The following TMEM14C variants were observed in gnomAD, a reference collection of about 807,000 sequenced individuals.
TMEM14C encodes the protein chromosome 6 open reading frame 53.
A neutral mutation model predicts 14.8 loss-of-function variants in TMEM14C; 13 were observed. That is an observed-to-expected ratio of 0.88 (90% CI 0.57 to 1.40). The LOEUF (loss-of-function observed/expected upper bound fraction) is 1.40, where lower values mean the gene tolerates loss of function less well. Ranked by LOEUF, TMEM14C falls within the 40% of genes most tolerant of loss-of-function variation. TMEM14C has a pLI of 0.00. For synonymous variants in TMEM14C, 57 were observed against 51.3 expected, an observed-to-expected ratio of 1.11 and a Z score of -0.48; for missense variants, 142 against 138.8, an observed-to-expected ratio of 1.02 and a Z score of -0.12.
intron 1 of TMEM14C, among the ~76,000 whole-genome samples, chr6:10,723,476 T>C (rs1167689973): frequency 6.6e-6 from 1 of 152,156 alleles, no homozygotes; most frequent in African/African-American, 2.4e-5. Context: ...CCTCGTTTCT[T>C]GGTGATTTTC....
intron 4 of TMEM14C, among the ~76,000 whole-genome samples, chr6:10,727,686 T>G (rs1316284707): frequency 3.9e-5 from 6 of 151,952 alleles, no homozygotes; most frequent in African/African-American, 1.2e-4. Flanking sequence ...CCAGGCGTGG[T>G]GGCGGACGCC....
Position 10,726,008 on chromosome 6 carries a change from G to A in TMEM14C, c.199G>A (p.Ala67Thr). The A allele has an allele frequency of 6.2e-7, 1 of 1,614,000 alleles. No individual in the cohort carries two copies. Among genetic ancestry groups the A allele is most frequent in the Non-Finnish European group, 8.5e-7 (1 of 1,179,994 alleles). Residue 67 changes from alanine to threonine, a missense_variant and splice_region_variant, in exon 4 of 6, where the codon GCT (alanine) becomes ACT (threonine). Transcript: ENST00000229563. ...TCCAAGGAACGTTTGGGTTTTCCTA[G>A]GTATGTCTGCTTTGGCGTCTCCTTA... is the stretch of plus-strand genomic sequence containing the variant. ...QDPRNVWVFLATSGTLAGIMG... is the reference protein window; with the variant it reads ...QDPRNVWVFLTTSGTLAGIMG...
chr6:10,727,619 T>C (rs62397705), intron 4 of TMEM14C, among the ~76,000 whole-genome samples: 80,227 of 151,776 alleles, frequency 0.53, 22,323 homozygotes, highest in South Asian at 0.64. Context: ...CTCAGGAGTT[T>C]GAGACCACCG....
Position 10,730,987 on chromosome 6 carries a change from T to G in TMEM14C, c.*321T>G. On this transcript the variant is annotated 3_prime_UTR_variant, in exon 6 of 6. Transcript: ENST00000229563. ...CAGCTTTCAGGGCTCTGAAACCCCA[T>G]TCCCTGCTCTGAGGAACAGTGTGAA... 2 of 1,020,278 alleles carry G rather than the reference T, an allele frequency of 2.0e-6. No homozygotes were observed. The highest frequency in any genetic ancestry group is 1.2e-6 in the Non-Finnish European group (1 of 852,856). 63.2% of individuals were successfully genotyped at this position (1,020,278 alleles called of 1,614,324 possible).
In TMEM14C at chr6:10,731,020, C is replaced by A. The variant is rs1431504517; in HGVS notation, c.*354C>A. 3 of 997,906 alleles carry A rather than the reference C, an allele frequency of 3.0e-6. No individual in the cohort carries two copies. The highest frequency in any genetic ancestry group is 1.2e-4 in the Admixed American group (2 of 16,904). The allele number at this position is 997,906 out of a possible 1,614,324, so 61.8% of individuals were successfully genotyped here. A position where few individuals can be genotyped will look rare whatever the true frequency, so the allele number is the denominator to read the frequency against. On this transcript the variant is annotated 3_prime_UTR_variant, in exon 6 of 6. Coordinates refer to ENST00000229563, the MANE Select transcript of TMEM14C (RefSeq NM_016462.4). Reference sequence around the variant, plus strand: ...TCTGAGGAACAGTGTGAAAAAAAGTCTTTTAGGAGATTTACAATATCTGTT... The same window carrying A: ...TCTGAGGAACAGTGTGAAAAAAAGTATTTTAGGAGATTTACAATATCTGTT...
Position 10,730,814 on chromosome 6 carries a change from A to G in TMEM14C, c.*148A>G, listed in dbSNP as rs903908769. On this transcript the variant is annotated 3_prime_UTR_variant, in exon 6 of 6. Transcript: ENST00000229563. ...ACACCAAACTTGGCAGAGAGGTGGA[A>G]AATCAGTCATGATTACAAACCTACA... is the stretch of plus-strand genomic sequence containing the variant. 3 of 1,355,382 alleles carry G rather than the reference A, an allele frequency of 2.2e-6. No homozygotes were observed. The highest frequency in any genetic ancestry group is 2.9e-6 in the Non-Finnish European group (3 of 1,048,380). 84.0% of individuals were successfully genotyped at this position (1,355,382 alleles called of 1,614,324 possible).
intron 4 of TMEM14C, among the ~76,000 whole-genome samples, chr6:10,726,458 G>A (rs1041980955): frequency 2.6e-5 from 4 of 152,186 alleles, no homozygotes; most frequent in Non-Finnish European, 4.4e-5. Flanking sequence ...TTGGGAGGCC[G>A]AGGCAAGTGG....
chr6:10,725,343 C>G (rs374460865), intron 3 of TMEM14C, among the ~76,000 whole-genome samples: 9 of 152,298 alleles, frequency 5.9e-5, no homozygotes, highest in South Asian at 4.1e-4. Flanking sequence ...AGTGCCATCT[C>G]TGGGCTCAAG....
intron 3 of TMEM14C, 91 bp from the exon 4 acceptor site, chr6:10,725,816 T>C: frequency 2.6e-6 from 4 of 1,510,704 alleles, no homozygotes; most frequent in Non-Finnish European, 3.6e-6. Flanking sequence ...TTCTCTGTGC[T>C]GTCCTCCTTT....
In TMEM14C at chr6:10,730,887, C is replaced by T; in HGVS notation, c.*221C>T. 1 of 1,200,272 alleles carries T rather than the reference C, an allele frequency of 8.3e-7. No homozygotes were observed. Among genetic ancestry groups the T allele is most frequent in the Non-Finnish European group, 1.0e-6 (1 of 963,722 alleles). 74.4% of individuals were successfully genotyped at this position (1,200,272 alleles called of 1,614,324 possible). On this transcript the variant is annotated 3_prime_UTR_variant, in exon 6 of 6. Coordinates refer to ENST00000229563, the MANE Select transcript of TMEM14C (RefSeq NM_016462.4). ...AGAGCTTAATAAGACCCTCATAGAG[C>T]TTGATTCTTGTATATTGATGTTGTC...
At chr6:10,724,254 A>G (rs45521032) in intron 1 of TMEM14C, among the ~76,000 whole-genome samples, 2 of 152,224 alleles carry the variant, frequency 1.3e-5, no homozygotes, top group African/African-American at 2.4e-5. Context: ...AGCTGATGAA[A>G]TGACTAACAC....
At chr6:10,723,455 G>A (rs1340518170) in intron 1 of TMEM14C, among the ~76,000 whole-genome samples, 1 of 152,134 alleles carries the variant, frequency 6.6e-6, no homozygotes, top group Admixed American at 6.5e-5. Context: ...TACCCATGTA[G>A]CATAGTGTTG....
intron 1 of TMEM14C, among the ~76,000 whole-genome samples, chr6:10,723,761 C>G (rs1324095249): frequency 6.6e-6 from 1 of 151,998 alleles, no homozygotes; most frequent in Non-Finnish European, 1.5e-5. Context: ...TCACCATGCG[C>G]GATTAATTTT....
chr6:10,725,745 A>G (rs777620581), intron 3 of TMEM14C, among the ~76,000 whole-genome samples, 162 bp from the exon 4 acceptor site: 21 of 152,224 alleles, frequency 1.4e-4, no homozygotes, highest in Non-Finnish European at 2.5e-4. Context: ...CTGAGAAGAT[A>G]GCACACTCTC....
Position 10,728,620 on chromosome 6 carries a change from C to T in TMEM14C, c.200-20C>T. On this transcript the variant is annotated intron_variant, in intron 4 of 5. Coordinates refer to ENST00000229563, the MANE Select transcript of TMEM14C (RefSeq NM_016462.4). ...GAAGATGTAATGAGTTTTAACACTTCTTTATATGTTTTTCATCAGCTACAT... is the reference window on the plus strand; with the variant it reads ...GAAGATGTAATGAGTTTTAACACTTTTTTATATGTTTTTCATCAGCTACAT... 1 of 1,612,604 alleles carries T rather than the reference C, an allele frequency of 6.2e-7. No individual in the cohort carries two copies. Among genetic ancestry groups the T allele is most frequent in the Non-Finnish European group, 8.5e-7 (1 of 1,179,230 alleles).
intron 2 of TMEM14C, 47 bp from the exon 3 acceptor site, chr6:10,724,914 G>A (rs373160064): frequency 6.2e-7 from 1 of 1,607,364 alleles, no homozygotes; most frequent in Non-Finnish European, 8.5e-7. Context: ...AGTATGGTTT[G>A]TTTTCAAAGC....
chr6:10,724,887 T>C, intron 2 of TMEM14C, 74 bp from the exon 3 acceptor site: 1 of 1,549,288 alleles, frequency 6.5e-7, no homozygotes, highest in African/African-American at 1.4e-5. Context: ...GATTACCTTT[T>C]AGTCCCATCC....
At chr6:10,725,474 C>G (rs4712869) in intron 3 of TMEM14C, among the ~76,000 whole-genome samples, 73,162 of 151,976 alleles carry the variant, frequency 0.48, 20,367 homozygotes, top group Non-Finnish European at 0.62. Flanking sequence ...ATTCCCACCC[C>G]AACCCCTGCA....
rs2127489649 is a variant in TMEM14C at position 10,730,848 on chromosome 6, G to A, written c.*182G>A. The A allele has an allele frequency of 3.6e-5, 47 of 1,305,470 alleles. No individual in the cohort carries two copies. The highest frequency in any genetic ancestry group is 6.4e-5 in the Admixed American group (2 of 31,200). The allele number at this position is 1,305,470 out of a possible 1,614,324, so 80.9% of individuals were successfully genotyped here. On this transcript the variant is annotated 3_prime_UTR_variant, in exon 6 of 6. Coordinates refer to ENST00000229563, the MANE Select transcript of TMEM14C (RefSeq NM_016462.4). ...ATGATTACAAACCTACAGAGGTGGC[G>A]AGTATGTAACACAAGAGCTTAATAA...
Sources: gnomAD v4.1 joint callset for allele counts (sites outside exome capture counted in the v4.1 genomes callset) on GRCh38, gnomAD v4.1.1 for gene constraint, MANE v1.5 for transcripts, NCBI Gene and HGNC (gene_info 2026-07-23, HGNC 2026-07-21) for gene names.